Variants in NUP188 observed in about 807,000 individuals in gnomAD.
NUP188 encodes the protein nucleoporin NUP188.
A neutral mutation model predicts 223.0 loss-of-function variants in NUP188; 97 were observed. The ratio of observed to expected loss-of-function variants is 0.43; its 90% CI spans 0.37 to 0.51. The LOEUF (loss-of-function observed/expected upper bound fraction) is 0.51. Ranked by LOEUF, NUP188 falls within the 20% of genes least tolerant of loss-of-function variation. NUP188 has a pLI of 0.00. For synonymous variants in NUP188, 869 were observed against 828.0 expected, an observed-to-expected ratio of 1.05 and a Z score of -0.85; for missense variants, 1,947 against 2,175.6, an observed-to-expected ratio of 0.89 and a Z score of 2.09.
chr9:128,965,006 A>C (rs1289222047), intron 8 of NUP188, among the ~76,000 whole-genome samples: 1 of 152,170 alleles, frequency 6.6e-6, no homozygotes, highest in Non-Finnish European at 1.5e-5. Context: ...TCACCCGGCC[A>C]AAATTTTAAG....
intron 3 of NUP188, among the ~76,000 whole-genome samples, chr9:128,953,987 G>A (rs1278320587): frequency 6.7e-6 from 1 of 150,122 alleles, no homozygotes; most frequent in Non-Finnish European, 1.5e-5. Context: ...CCGCCACCAC[G>A]CCCAGCTAAT....
At chr9:128,984,083 A>G (rs1367964299) in intron 19 of NUP188, among the ~76,000 whole-genome samples, 1 of 149,314 alleles carries the variant, frequency 6.7e-6, no homozygotes, top group Non-Finnish European at 1.5e-5. Flanking sequence ...TAGCCTCTCA[A>G]AGTGCTGGGA....
Position 128,993,367 on chromosome 9 carries a change from G to GACAGTTT in NUP188, c.2812_2813insCAGTTTA (p.Asn938ThrfsTer3). On this transcript the variant is annotated frameshift_variant, in exon 26 of 44. Transcript: ENST00000372577. LOFTEE classifies it high-confidence loss of function. Reference sequence around the variant, plus strand: ...AGCCAGGCCTCATCGAACTGTTTCTGAACCTGGAAGTTAAGGATGGCAGTG... The same window carrying GACAGTTT: ...AGCCAGGCCTCATCGAACTGTTTCTGACAGTTTAACCTGGAAGTTAAGGATGGCAGTG... The GACAGTTT allele has an allele frequency of 2.5e-6, 4 of 1,614,216 alleles. No individual in the cohort carries two copies. The highest frequency in any genetic ancestry group is 3.4e-6 in the Non-Finnish European group (4 of 1,180,046).
chr9:128,984,782 G>C, intron 19 of NUP188, 118 bp from the exon 20 acceptor site: 1 of 602,778 alleles, frequency 1.7e-6, no homozygotes, highest in East Asian at 2.9e-5. Context: ...ATTTCCACTG[G>C]AGAGCTTTTC....
At chr9:128,998,040 C>A in intron 30 of NUP188, 111 bp from the exon 31 acceptor site, 1 of 793,542 alleles carries the variant, frequency 1.3e-6, no homozygotes. Flanking sequence ...TATTTTAAAT[C>A]AGGGAGACTG....
intron 31 of NUP188, 103 bp downstream of exon 31, chr9:128,998,331 T>TCA (rs1842567733): frequency 1.7e-6 from 2 of 1,149,180 alleles, no homozygotes; most frequent in Non-Finnish European, 2.6e-6. Flanking sequence ...AATAGTCAGG[T>TCA]CACAGGGCTC....
rs773150752 is a variant in NUP188 at position 129,006,104 on chromosome 9, G to C, written c.4924G>C (p.Glu1642Gln). The C allele has an allele frequency of 6.2e-7, 1 of 1,614,162 alleles. No homozygotes were observed. Among genetic ancestry groups the C allele is most frequent in the Non-Finnish European group, 8.5e-7 (1 of 1,180,044 alleles). Residue 1642 changes from glutamate to glutamine, a missense_variant, in exon 42 of 44, where the codon GAA (glutamate) becomes CAA (glutamine). By Grantham distance (29) the Glu-to-Gln change is conservative (BLOSUM62 2). Coordinates refer to ENST00000372577, the MANE Select transcript of NUP188 (RefSeq NM_015354.3). ...TQAVGLSTQA[E>Q]GTRTLKSLLM... The stretch of plus-strand genomic sequence containing the variant: ...GGCAGTGGGGCTCAGCACACAGGCA[G>C]AAGGGACCAGGACGTTAAAGTAAGT...
intron 1 of NUP188, chr9:128,948,687 C>T (rs896783589): frequency 4.0e-5 from 6 of 151,442 alleles, no homozygotes; most frequent in African/African-American, 1.5e-4. Flanking sequence ...CTTATCCTTC[C>T]CTGTGCCAGC....
intron 8 of NUP188, among the ~76,000 whole-genome samples, chr9:128,962,133 C>G (rs994427897): frequency 1.3e-5 from 2 of 151,912 alleles, no homozygotes; most frequent in Admixed American, 1.3e-4. Flanking sequence ...TGGGGTTTCT[C>G]CATGTTGGTC....
intron 11 of NUP188, 96 bp downstream of exon 11, chr9:128,971,054 A>T: frequency 1.1e-6 from 1 of 915,530 alleles, no homozygotes; most frequent in Non-Finnish European, 1.8e-6. Context: ...TAATGGGATC[A>T]TGTTGTAACT....
chr9:128,958,961 T>A, intron 7 of NUP188, 54 bp from the exon 8 acceptor site: 1 of 1,402,806 alleles, frequency 7.1e-7, no homozygotes, highest in Non-Finnish European at 9.7e-7. Flanking sequence ...TTAATATTTA[T>A]TTGAATATTT....
In NUP188 at chr9:128,999,624, T is replaced by C. The variant is rs745983373; in HGVS notation, c.3662T>C (p.Val1221Ala). 1.2e-6 allele frequency: 2 copies of C among 1,613,376 alleles called. No individual in the cohort carries two copies. Among genetic ancestry groups the C allele is most frequent in the African/African-American group, 2.7e-5 (2 of 74,864 alleles). The change falls in exon 34 of 44, where the codon GTA becomes GCA. Residue 1221 changes from valine (V) to alanine (A), a missense_variant and splice_region_variant. Physicochemically the swap from Val to Ala is moderately conservative, Grantham distance 64. Transcript: ENST00000372577. ...ITVLQMKEMK[V>A]SDIPQYSQLV... ...GTGTCCCTCCCTGTCTATTCTACAG[T>C]AAGTGACATCCCCCAGTACTCCCAG...
intron 2 of NUP188, among the ~76,000 whole-genome samples, chr9:128,950,557 G>A (rs1021230474): frequency 6.6e-6 from 1 of 152,072 alleles, no homozygotes; most frequent in Non-Finnish European, 1.5e-5. Flanking sequence ...CTTTATAAAC[G>A]TGGTCAGATG....
intron 8 of NUP188, among the ~76,000 whole-genome samples, chr9:128,966,993 G>T (rs976830758): frequency 1.3e-5 from 2 of 152,024 alleles, no homozygotes; most frequent in African/African-American, 4.8e-5. Flanking sequence ...CAAATAAAAG[G>T]ATTAAAAATA....
At chr9:129,006,392 G>A (rs969147397) in intron 43 of NUP188, 24 bp downstream of exon 43, 1 of 1,614,188 alleles carries the variant, frequency 6.2e-7, no homozygotes, top group Non-Finnish European at 8.5e-7. Context: ...GGGATACGGA[G>A]GGCTGGACCA....
chr9:128,965,745 G>A (rs554128225), intron 8 of NUP188, among the ~76,000 whole-genome samples: 4 of 151,488 alleles, frequency 2.6e-5, no homozygotes, highest in Non-Finnish European at 2.9e-5. Flanking sequence ...GAGCCACCAC[G>A]TCTGGCCAGT....
At chr9:128,949,276 G>C in intron 2 of NUP188, 33 bp downstream of exon 2, 1 of 1,522,006 alleles carries the variant, frequency 6.6e-7, no homozygotes, top group Non-Finnish European at 9.1e-7. Flanking sequence ...GGGTTCTCTG[G>C]GTTCTTTGTG....
At chr9:128,963,656 A>G (rs983365180) in intron 8 of NUP188, among the ~76,000 whole-genome samples, 1 of 152,112 alleles carries the variant, frequency 6.6e-6, no homozygotes, top group Non-Finnish European at 1.5e-5. Context: ...CTAAATAAGT[A>G]TATAGTAATA....
At position 128,963,282 on chromosome 9, in the gene NUP188, A is replaced by ATT. The variant is rs1177267491; in HGVS notation, c.585+4168_585+4169dup. On this transcript the variant is annotated intron_variant, in intron 8 of 43. Transcript: ENST00000372577. ...TGAGATTGCTGAGTCGTAAATGTAA[A>ATT]TTTTTTTTTTTTTTTTTTTTTGAGA... Among the ~76,000 whole-genome samples the ATT allele has an allele frequency of 2.7e-3, 380 of 138,738 alleles. 7 individuals are homozygous for ATT. The East Asian group carries it at 0.036, about 13-fold the overall frequency. The allele number at this position is 138,738 out of a possible 152,430, so 91.0% of individuals were successfully genotyped here. A position where few individuals can be genotyped will look rare whatever the true frequency, so the allele number is the denominator to read the frequency against.
Sources: allele counts gnomAD v4.1 joint callset (sites outside exome capture counted in the v4.1 genomes callset), GRCh38; gene constraint gnomAD v4.1.1; transcripts MANE v1.5; gene names NCBI Gene and HGNC (gene_info 2026-07-23, HGNC 2026-07-21).